Variants in PDE11A observed in about 807,000 individuals in gnomAD.
PDE11A encodes the protein phosphodiesterase 11A, also known as dual 3',5'-cyclic-AMP and -GMP phosphodiesterase 11A.
Under a neutral mutation model 100.5 loss-of-function variants are expected in PDE11A, and 100 were observed. That is an observed-to-expected ratio of 1.00 (90% CI 0.85 to 1.18). The LOEUF (loss-of-function observed/expected upper bound fraction) is 1.18. Ranked by LOEUF, PDE11A falls within the 50% of genes most tolerant of loss-of-function variation. The pLI, the probability that PDE11A is intolerant of heterozygous loss-of-function variation, is 0.00. For synonymous variants in PDE11A, 381 were observed against 420.8 expected (o/e 0.91, Z 1.16); for missense variants, 1,141 against 1,152.6 (o/e 0.99, Z 0.15).
chr2:177,880,422 A>G (rs1264376456), intron 4 of PDE11A, among the ~76,000 whole-genome samples: 5 of 152,160 alleles, frequency 3.3e-5, no homozygotes, highest in African/African-American at 9.7e-5. Context: ...GCAAAATTTC[A>G]TGCATCTTGT....
chr2:177,687,094 G>C (rs1029477970), intron 15 of PDE11A: 1 of 152,052 alleles, frequency 6.6e-6, no homozygotes, highest in African/African-American at 2.4e-5. Flanking sequence ...TTTTCACAAG[G>C]CTACAAAAAG....
intron 10 of PDE11A, among the ~76,000 whole-genome samples, chr2:177,732,948 G>A (rs190304807): frequency 1.3e-5 from 2 of 152,142 alleles, no homozygotes; most frequent in Non-Finnish European, 2.9e-5. Context: ...TCAAGGGCAG[G>A]TTCTGGAGAA....
At position 178,071,928 on chromosome 2, in the gene PDE11A, A is replaced by G. The variant is rs1190432292; in HGVS notation, c.510T>C (p.His170=). Residue 170 remains histidine (H), a synonymous_variant, in exon 1 of 20, where the codon CAT becomes CAC. Coordinates refer to ENST00000286063, the MANE Select transcript of PDE11A (RefSeq NM_016953.4). ...TCGATTCCAGCAGCGCACTGAGAAT[A>G]TGGGCTGTGGTGGGGGGCAGGGAGC... The part of the protein sequence containing the change: ...KASSLPPTTA[H]ILSALLESRV... 6.2e-7 allele frequency: 1 copy of G among 1,613,962 alleles called. No individual in the cohort carries two copies. Among genetic ancestry groups the G allele is most frequent in the South Asian group, 1.1e-5 (1 of 91,064 alleles).
intron 5 of PDE11A, among the ~76,000 whole-genome samples, chr2:177,856,348 T>C (rs1181828371): frequency 6.6e-6 from 1 of 152,134 alleles, no homozygotes; most frequent in Non-Finnish European, 1.5e-5. Flanking sequence ...CCACATTACA[T>C]TATTTAAAAC....
In PDE11A at chr2:177,840,386, A is replaced by G. The variant is rs747480000; in HGVS notation, c.1368-3T>C. 8 of 1,613,728 alleles carry G rather than the reference A, an allele frequency of 5.0e-6. No individual in the cohort carries two copies. The highest frequency in any genetic ancestry group is 4.5e-5 in the East Asian group (2 of 44,884). ...ATTTCTCCATGCTTTCTTTGAAACT[A>G]TCAGAGCACCAAGGTAGGCAGGAAG... On this transcript the variant is annotated splice_region_variant and splice_polypyrimidine_tract_variant and intron_variant, in intron 5 of 19. Transcript: ENST00000286063.
At chr2:177,855,857 G>A (rs1220121447) in intron 5 of PDE11A, among the ~76,000 whole-genome samples, 3 of 150,196 alleles carry the variant, frequency 2.0e-5, no homozygotes, top group African/African-American at 7.4e-5. Flanking sequence ...GCTCCCAGAA[G>A]GCTTTGAAAA....
chr2:177,850,451 A>T lies in PDE11A; in HGVS notation c.1368-10068T>A, dbSNP rs1186196550. On this transcript the variant is annotated intron_variant, in intron 5 of 19. Coordinates refer to ENST00000286063, the MANE Select transcript of PDE11A (RefSeq NM_016953.4). ...AAAACCCTAGAAGAAAACCCAGGCA[A>T]TACCATTCAGGACAGAGGCATGGGC... Among the ~76,000 whole-genome samples the T allele has an allele frequency of 5.1e-4, 77 of 152,310 alleles. 1 individual carries two copies. Among genetic ancestry groups the T allele is most frequent in the South Asian group, 8.3e-4 (4 of 4,828 alleles).
At chr2:177,640,390 C>G (rs1347326400) in intron 19 of PDE11A, among the ~76,000 whole-genome samples, 1 of 152,202 alleles carries the variant, frequency 6.6e-6, no homozygotes, top group Non-Finnish European at 1.5e-5. Flanking sequence ...CTGTTATCAT[C>G]TCTGCTCAGA....
intron 2 of PDE11A, among the ~76,000 whole-genome samples, chr2:178,086,943 GA>G (rs1447819976): frequency 5.3e-5 from 8 of 152,164 alleles, no homozygotes; most frequent in Non-Finnish European, 1.2e-4. Flanking sequence ...CAAAGGAAAA[GA>G]AATAATTGTA....
intron 2 of PDE11A, among the ~76,000 whole-genome samples, chr2:177,925,959 C>G (rs1215387687): frequency 1.3e-5 from 2 of 152,216 alleles, no homozygotes; most frequent in African/African-American, 4.8e-5. Flanking sequence ...TCTGCAAGTG[C>G]TACCAGCCTG....
intron 19 of PDE11A, among the ~76,000 whole-genome samples, chr2:177,637,859 T>C (rs1406350192): frequency 6.7e-6 from 1 of 150,258 alleles, no homozygotes; most frequent in Non-Finnish European, 1.5e-5. Flanking sequence ...TTTGCAGGGC[T>C]TAATCTGCTA....
intron 6 of PDE11A, among the ~76,000 whole-genome samples, chr2:177,825,819 T>A (rs572613613): frequency 6.6e-6 from 1 of 152,334 alleles, no homozygotes; most frequent in South Asian, 2.1e-4. Context: ...TTAATATTTA[T>A]CTCCTGCACA....
intron 3 of PDE11A, 77 bp downstream of exon 3, chr2:177,905,021 T>C (rs890797360): frequency 6.1e-6 from 5 of 825,672 alleles, no homozygotes; most frequent in Admixed American, 1.7e-5. Flanking sequence ...TCATTGGCTG[T>C]TTTTAAAAGA....
intron 2 of PDE11A, among the ~76,000 whole-genome samples, chr2:177,923,582 AC>A (rs1381059808): frequency 6.6e-6 from 1 of 152,156 alleles, no homozygotes; most frequent in African/African-American, 2.4e-5. Context: ...CCTCTAGTAG[AC>A]TTAGCCAGAA....
At position 177,859,248 on chromosome 2, in the gene PDE11A, T is replaced by A. The variant is rs938280480; in HGVS notation, c.1367+16611A>T. On this transcript the variant is annotated intron_variant, in intron 5 of 19. Transcript: ENST00000286063. ...GTACCCTAAAAGTATAATAAAAAAA[T>A]AAAATAAAATAAATAAACTTTAAAA... Among the ~76,000 whole-genome samples, 7 of 151,212 alleles carry A rather than the reference T, an allele frequency of 4.6e-5. No homozygotes were observed. In the South Asian group the frequency reaches 6.3e-4, roughly 14 times the overall value.
At chr2:177,718,199 A>C (rs879594260) in intron 12 of PDE11A, among the ~76,000 whole-genome samples, 2 of 152,238 alleles carry the variant, frequency 1.3e-5, no homozygotes, top group Non-Finnish European at 2.9e-5. Context: ...TAATCCTTAC[A>C]AGAACTCTCT....
chr2:177,937,300 T>C (rs2085287115), intron 2 of PDE11A, among the ~76,000 whole-genome samples: 1 of 150,508 alleles, frequency 6.6e-6, no homozygotes, highest in South Asian at 2.1e-4. Flanking sequence ...AAAACAGAAA[T>C]TTCATAATAA....
chr2:178,039,515 C>T (rs2086657784), intron 1 of PDE11A, among the ~76,000 whole-genome samples: 1 of 151,888 alleles, frequency 6.6e-6, no homozygotes, highest in Non-Finnish European at 1.5e-5. Context: ...TTTACATGTA[C>T]CCCCAAACCT....
At chr2:177,729,390 C>G (rs1271765297) in intron 10 of PDE11A, among the ~76,000 whole-genome samples, 1 of 152,174 alleles carries the variant, frequency 6.6e-6, no homozygotes, top group African/African-American at 2.4e-5. Context: ...TAGTTTTCAT[C>G]CTAGGATATT....
Sources: allele counts gnomAD v4.1 joint callset (sites outside exome capture counted in the v4.1 genomes callset), GRCh38; gene constraint gnomAD v4.1.1; transcripts MANE v1.5; gene names NCBI Gene and HGNC (gene_info 2026-07-23, HGNC 2026-07-21).